EXOC6B: variants seen among roughly 807,000 people sequenced by gnomAD.
The protein encoded by EXOC6B is SEC15 homolog B.
In EXOC6B, 54 loss-of-function variants were observed where a neutral mutation model predicts 113.5. The observed-to-expected ratio is 0.48, with a 90% CI of 0.38 to 0.60. The LOEUF (loss-of-function observed/expected upper bound fraction) is 0.60. Among genes scored for constraint, EXOC6B ranks in the 20% least tolerant of loss-of-function variants. The probability of loss-of-function intolerance (pLI) is 0.00; values close to 1 mark genes in which losing one functional copy is unlikely to be tolerated. For synonymous variants in EXOC6B, 357 were observed against 339.0 expected (o/e 1.05, Z -0.58); for missense variants, 797 against 977.5 (o/e 0.82, Z 2.46).
chr2:72,475,818 T>C (rs953853434), intron 17 of EXOC6B, among the ~76,000 whole-genome samples: 2 of 152,168 alleles, frequency 1.3e-5, no homozygotes, highest in African/African-American at 2.4e-5. Context: ...AGTGGCACTC[T>C]TTCCTCAGCC....
At chr2:72,297,479 C>T (rs370189141) in intron 20 of EXOC6B, among the ~76,000 whole-genome samples, 5 of 152,074 alleles carry the variant, frequency 3.3e-5, no homozygotes, top group African/African-American at 1.2e-4. Flanking sequence ...ACATGTGGTA[C>T]GTGGTTTTCT....
Position 72,753,299 on chromosome 2 carries a change from T to C in EXOC6B, c.114-11830A>G, listed in dbSNP as rs114216397. 7.3e-3 allele frequency among the ~76,000 whole-genome samples: 1,102 copies of C among 151,972 alleles called. 13 individuals are homozygous for C. The highest frequency in any genetic ancestry group is 0.025 in the African/African-American group (1,057 of 41,468). ...TCTACCCAAACCCACATTTCACTCC[T>C]AGTATTCACCATCTCAATTGAAGAT... On this transcript the variant is annotated intron_variant, in intron 1 of 21. Coordinates refer to ENST00000272427, the MANE Select transcript of EXOC6B (RefSeq NM_015189.3).
chr2:72,820,113 T>C (rs893255621), intron 1 of EXOC6B, among the ~76,000 whole-genome samples: 1 of 152,158 alleles, frequency 6.6e-6, no homozygotes, highest in African/African-American at 2.4e-5. Flanking sequence ...TATTCACTTA[T>C]CAAATGACCT....
chr2:72,443,278 G>A (rs542160487), intron 18 of EXOC6B, among the ~76,000 whole-genome samples: 27 of 149,316 alleles, frequency 1.8e-4, no homozygotes, highest in South Asian at 4.3e-4. Context: ...AGCCAAGATC[G>A]CGCCACTGCA....
At chr2:72,726,254 G>A (rs1174739820) in intron 5 of EXOC6B, among the ~76,000 whole-genome samples, 1 of 151,934 alleles carries the variant, frequency 6.6e-6, no homozygotes, top group African/African-American at 2.4e-5. Flanking sequence ...CCCTTTTTGG[G>A]GTAATGAAAA....
intron 8 of EXOC6B, chr2:72,515,682 G>T: frequency 1.0e-6 from 1 of 988,510 alleles, no homozygotes; most frequent in Non-Finnish European, 1.2e-6. Flanking sequence ...TTTTCGTTTA[G>T]GGTTTCTGGG....
At chr2:72,442,906 A>C (rs2105335758) in intron 18 of EXOC6B, among the ~76,000 whole-genome samples, 1 of 152,312 alleles carries the variant, frequency 6.6e-6, no homozygotes, top group South Asian at 2.1e-4. Flanking sequence ...TTCATTATGA[A>C]CCAAAAAAGA....
At chr2:72,635,008 A>G (rs999645798) in intron 6 of EXOC6B, among the ~76,000 whole-genome samples, 3 of 152,122 alleles carry the variant, frequency 2.0e-5, no homozygotes, top group African/African-American at 4.8e-5. Context: ...GTAAAAATAC[A>G]TAGAACTGAA....
chr2:72,305,218 T>C (rs1404569223), intron 20 of EXOC6B, among the ~76,000 whole-genome samples: 2 of 152,130 alleles, frequency 1.3e-5, no homozygotes, highest in Non-Finnish European at 2.9e-5. Context: ...TACTGCTAAG[T>C]TCATGTAGTT....
chr2:72,615,759 A>T lies in EXOC6B; in HGVS notation c.670-40091T>A, dbSNP rs576928360. 1.4e-4 allele frequency among the ~76,000 whole-genome samples: 22 copies of T among 152,240 alleles called. 2 individuals are homozygous for T. The highest frequency in any genetic ancestry group is 4.6e-4 in the African/African-American group (19 of 41,538). On this transcript the variant is annotated intron_variant, in intron 6 of 21. Transcript: ENST00000272427. Reference sequence around the variant, plus strand: ...TTTAGAGTATAGTCCTACTTATTTTAAAAAATCAGTTAACTGTAAAGCAGC... The same window carrying T: ...TTTAGAGTATAGTCCTACTTATTTTTAAAAATCAGTTAACTGTAAAGCAGC...
intron 1 of EXOC6B, among the ~76,000 whole-genome samples, chr2:72,742,183 G>C (rs947384081): frequency 1.3e-5 from 2 of 152,008 alleles, no homozygotes; most frequent in Non-Finnish European, 2.9e-5. Context: ...TTCCAAGCTC[G>C]TATCTACAAT....
rs144107850 is a variant in EXOC6B, at chr2:72,213,801, G to A, written c.2197-29614C>T. Among the ~76,000 whole-genome samples the A allele has an allele frequency of 3.1e-3, 473 of 152,196 alleles. 2 individuals are homozygous for A. The highest frequency in any genetic ancestry group is 0.011 in the African/African-American group (446 of 41,528). ...AAACCTCTTACCCCTTCCATCATGC[G>A]AGGACACAGCAAGAAGTTTCCATGC... On this transcript the variant is annotated intron_variant, in intron 20 of 21. Coordinates refer to ENST00000272427, the MANE Select transcript of EXOC6B (RefSeq NM_015189.3).
intron 1 of EXOC6B, among the ~76,000 whole-genome samples, chr2:72,796,498 T>C (rs558687612): frequency 6.6e-6 from 1 of 151,708 alleles, no homozygotes; most frequent in African/African-American, 2.4e-5. Context: ...CAAGCTTGGT[T>C]TACATAATCT....
chr2:72,275,192 G>C (rs1176172597), intron 20 of EXOC6B, among the ~76,000 whole-genome samples: 1 of 152,140 alleles, frequency 6.6e-6, no homozygotes, highest in Non-Finnish European at 1.5e-5. Context: ...GGACAAGATA[G>C]AGTTAAAGTT....
At chr2:72,347,385 G>C (rs1426656385) in intron 19 of EXOC6B, among the ~76,000 whole-genome samples, 1 of 152,044 alleles carries the variant, frequency 6.6e-6, no homozygotes, top group East Asian at 1.9e-4. Context: ...CCATGTGTTT[G>C]TTTGGCACTG....
At chr2:72,335,100 C>T in intron 19 of EXOC6B, 80 bp from the exon 20 acceptor site, 1 of 1,298,888 alleles carries the variant, frequency 7.7e-7, no homozygotes, top group Non-Finnish European at 1.1e-6. Flanking sequence ...ACAGGGAAGA[C>T]AAGAGAAGCT....
At chr2:72,235,773 TC>T (rs2104484989) in intron 20 of EXOC6B, among the ~76,000 whole-genome samples, 2 of 152,072 alleles carry the variant, frequency 1.3e-5, no homozygotes, top group South Asian at 4.2e-4. Context: ...ACGGTTAAGG[TC>T]CTTGGTGTCT....
intron 19 of EXOC6B, among the ~76,000 whole-genome samples, chr2:72,356,480 T>G (rs1023828855): frequency 1.3e-5 from 2 of 152,138 alleles, no homozygotes; most frequent in South Asian, 2.1e-4. Context: ...TGTAGTGTGC[T>G]ATGATTGCCC....
At chr2:72,265,239 T>TTTATTATTATTA (rs58637794) in intron 20 of EXOC6B, among the ~76,000 whole-genome samples, 8,212 of 146,788 alleles carry the variant, frequency 0.056, 344 homozygotes, top group African/African-American at 0.11. Context: ...TAACTATTCT[T>TTTATTATTATTA]TTATTATTAT....
Sources: allele counts gnomAD v4.1 joint callset (sites outside exome capture counted in the v4.1 genomes callset), GRCh38; gene constraint gnomAD v4.1.1; transcripts MANE v1.5; gene names NCBI Gene and HGNC (gene_info 2026-07-23, HGNC 2026-07-21).